Variants in RAPGEF5 observed in about 807,000 individuals in gnomAD.
The protein encoded by RAPGEF5 is Rap guanine nucleotide exchange factor 5, also known as M-Ras-regulated GEF.
A neutral mutation model predicts 125.2 loss-of-function variants in RAPGEF5; 65 were observed. That is an observed-to-expected ratio of 0.52 (90% CI 0.43 to 0.64). RAPGEF5 has a LOEUF of 0.64. Among genes scored for constraint, RAPGEF5 ranks in the 30% least tolerant of loss-of-function variants. The pLI is 0.00. For synonymous variants in RAPGEF5, 391 were observed against 385.9 expected, an observed-to-expected ratio of 1.01 and a Z score of -0.16; for missense variants, 958 against 1,048.1, an observed-to-expected ratio of 0.91 and a Z score of 1.19.
At chr7:22,248,720 A>G (rs533181981) in intron 7 of RAPGEF5, among the ~76,000 whole-genome samples, 1 of 152,214 alleles carries the variant, frequency 6.6e-6, no homozygotes, top group Non-Finnish European at 1.5e-5. Flanking sequence ...CCTCTCACAC[A>G]GAGGGGAAGA....
chr7:22,236,195 T>C (rs1786184294), intron 7 of RAPGEF5, among the ~76,000 whole-genome samples: 1 of 152,286 alleles, frequency 6.6e-6, no homozygotes, highest in Middle Eastern at 3.4e-3. Flanking sequence ...AATGCAAGCT[T>C]TCCCCAGGCT....
In RAPGEF5 at chr7:22,154,501, C is replaced by G. The variant is rs371583113; in HGVS notation, c.1740G>C (p.Gln580His). 6 of 1,613,894 alleles carry G rather than the reference C, an allele frequency of 3.7e-6. No individual in the cohort carries two copies. The highest frequency in any genetic ancestry group is 5.1e-6 in the Non-Finnish European group (6 of 1,179,838). The change falls in exon 17 of 26, where the codon CAG becomes CAC. Residue 580 changes from glutamine to histidine, a missense_variant. Transcript: ENST00000665637. Reference sequence around the variant, plus strand: ...CCAGAGCCAGATCCTCTTCTGCATACTGGATCTTTTCTGCCACGACTTTTA... The same window carrying G: ...CCAGAGCCAGATCCTCTTCTGCATAGTGGATCTTTTCTGCCACGACTTTTA... ...EILKVVAEKI[Q>H]YAEEDLALVA...
At chr7:22,352,931 G>T (rs574474977) in intron 1 of RAPGEF5, among the ~76,000 whole-genome samples, 2 of 152,304 alleles carry the variant, frequency 1.3e-5, no homozygotes, top group East Asian at 3.9e-4. Context: ...AAATCATTAA[G>T]TAGAAGACAG....
chr7:22,125,514 G>T, intron 25 of RAPGEF5, 90 bp downstream of exon 25: 1 of 1,247,120 alleles, frequency 8.0e-7, no homozygotes, highest in Non-Finnish European at 1.2e-6. Flanking sequence ...TTTTCAATCT[G>T]TTTAAATTGA....
chr7:22,179,363 CAT>C (rs980195289), intron 11 of RAPGEF5, among the ~76,000 whole-genome samples: 1 of 152,094 alleles, frequency 6.6e-6, no homozygotes, highest in African/African-American at 2.4e-5. Context: ...TCAAATCAGA[CAT>C]AAGAAAAGTA....
chr7:22,153,861 G>A (rs367970188), intron 17 of RAPGEF5, among the ~76,000 whole-genome samples: 9 of 152,174 alleles, frequency 5.9e-5, no homozygotes, highest in African/African-American at 1.2e-4. Flanking sequence ...TGTTCAAGCC[G>A]CATAGATCAA....
chr7:22,142,151 A>C (rs1312431520), intron 20 of RAPGEF5, among the ~76,000 whole-genome samples: 1 of 152,176 alleles, frequency 6.6e-6, no homozygotes, highest in Non-Finnish European at 1.5e-5. Flanking sequence ...TCCAGTTCGA[A>C]GTCTCTCTTA....
chr7:22,161,191 A>G, intron 13 of RAPGEF5, among the ~76,000 whole-genome samples: 1 of 152,212 alleles, frequency 6.6e-6, no homozygotes, highest in East Asian at 1.9e-4. Context: ...CCTAGGCGAC[A>G]GAGCGAGACT....
At chr7:22,286,529 T>C (rs1260971441) in intron 6 of RAPGEF5, among the ~76,000 whole-genome samples, 1 of 152,228 alleles carries the variant, frequency 6.6e-6, no homozygotes, top group Non-Finnish European at 1.5e-5. Context: ...TGGTTGTTGA[T>C]TTTAAGTAAA....
At chr7:22,255,183 G>C (rs541621305) in intron 7 of RAPGEF5, among the ~76,000 whole-genome samples, 2 of 152,134 alleles carry the variant, frequency 1.3e-5, no homozygotes, top group African/African-American at 4.8e-5. Context: ...TTTGAACATA[G>C]GAATCAAAGA....
chr7:22,122,541 A>G lies in RAPGEF5; in HGVS notation c.2537-20T>C. 6.4e-7 allele frequency: 1 copy of G among 1,556,040 alleles called. No individual in the cohort carries two copies. The highest frequency in any genetic ancestry group is 8.9e-7 in the Non-Finnish European group (1 of 1,128,602). The stretch of plus-strand genomic sequence containing the variant: ...GGTCACCTGTTGTTTAGAGGGGGAA[A>G]AAAGACAATCTCAGGAGAGCAGTAA... On this transcript the variant is annotated intron_variant, in intron 25 of 25. Coordinates refer to ENST00000665637, the MANE Select transcript of RAPGEF5 (RefSeq NM_012294.5).
chr7:22,149,991 T>C (rs76125425), intron 18 of RAPGEF5, among the ~76,000 whole-genome samples: 3,570 of 151,978 alleles, frequency 0.023, 50 homozygotes, highest in Middle Eastern at 0.065. Flanking sequence ...AATTGTATCA[T>C]TGGATAAGGG....
chr7:22,251,281 C>A (rs367684976), intron 7 of RAPGEF5, among the ~76,000 whole-genome samples: 64 of 152,278 alleles, frequency 4.2e-4, no homozygotes, highest in African/African-American at 1.5e-3. Context: ...TGCCACCCCC[C>A]CAGCAACCAC....
intron 1 of RAPGEF5, among the ~76,000 whole-genome samples, chr7:22,326,400 C>A (rs1242146753): frequency 1.2e-4 from 19 of 152,186 alleles, no homozygotes; most frequent in Admixed American, 1.2e-3. Context: ...GTTTACATAT[C>A]AACTCTGGCT....
intron 20 of RAPGEF5, among the ~76,000 whole-genome samples, chr7:22,141,666 T>C (rs1783265881): frequency 6.6e-6 from 1 of 152,242 alleles, no homozygotes; most frequent in Non-Finnish European, 1.5e-5. Context: ...CAAAGGTATC[T>C]GGGGTGGACA....
At position 22,140,117 on chromosome 7, in the gene RAPGEF5, T is replaced by G; in HGVS notation, c.2187-2A>C. 1 of 1,552,570 alleles carries G rather than the reference T, an allele frequency of 6.4e-7. No homozygotes were observed. Among genetic ancestry groups the G allele is most frequent in the Non-Finnish European group, 8.7e-7 (1 of 1,146,708 alleles). On this transcript the variant is annotated splice_acceptor_variant, in intron 20 of 25. Transcript: ENST00000665637. LOFTEE classifies it high-confidence loss of function. The stretch of plus-strand genomic sequence containing the variant: ...TTCAGGTTTCTCTGGGCTTTGCAGC[T>G]ATAAAATAAAAGAGAGTAGAGGACA...
At chr7:22,287,881 C>T (rs1782834979) in intron 6 of RAPGEF5, among the ~76,000 whole-genome samples, 1 of 152,136 alleles carries the variant, frequency 6.6e-6, no homozygotes, top group Non-Finnish European at 1.5e-5. Flanking sequence ...CTCATCTTGG[C>T]CAAGGTCACA....
intron 12 of RAPGEF5, among the ~76,000 whole-genome samples, chr7:22,166,831 G>A (rs889338725): frequency 2.0e-5 from 3 of 152,164 alleles, no homozygotes; most frequent in Non-Finnish European, 4.4e-5. Flanking sequence ...GATGTGAAGC[G>A]AACATAATAT....
At chr7:22,328,214 A>G (rs1341686563) in intron 1 of RAPGEF5, among the ~76,000 whole-genome samples, 1 of 152,246 alleles carries the variant, frequency 6.6e-6, no homozygotes, top group Non-Finnish European at 1.5e-5. Flanking sequence ...CCTCCTGGTC[A>G]GAAGGGAAAA....
Sources: allele counts gnomAD v4.1 joint callset (sites outside exome capture counted in the v4.1 genomes callset), GRCh38; gene constraint gnomAD v4.1.1; transcripts MANE v1.5; gene names NCBI Gene and HGNC (gene_info 2026-07-23, HGNC 2026-07-21).